The following DRD2 variants were observed in gnomAD, a reference collection of about 807,000 sequenced individuals.
DRD2 encodes dopamine receptor D2, also known as D(2) dopamine receptor.
Under a neutral mutation model 38.0 loss-of-function variants are expected in DRD2, and 8 were observed. That is an observed-to-expected ratio of 0.21 (90% CI 0.12 to 0.38). DRD2 has a LOEUF of 0.38. Ranked by LOEUF, DRD2 falls within the 10% of genes least tolerant of loss-of-function variation. The pLI, the probability that DRD2 is intolerant of heterozygous loss-of-function variation, is 1.00. For synonymous variants in DRD2, 230 were observed against 238.6 expected (o/e 0.96, Z 0.33); for missense variants, 403 against 607.7 (o/e 0.66, Z 3.54).
intron 1 of DRD2, among the ~76,000 whole-genome samples, chr11:113,428,247 G>C (rs943380087): frequency 6.4e-4 from 97 of 152,338 alleles, no homozygotes; most frequent in African/African-American, 2.3e-3. Flanking sequence ...GTGCAAAGAA[G>C]TGAGGAAGCA....
chr11:113,443,617 G>C (rs1951113288), intron 1 of DRD2, among the ~76,000 whole-genome samples: 1 of 152,194 alleles, frequency 6.6e-6, no homozygotes, highest in Non-Finnish European at 1.5e-5. Context: ...TGTCCTCCTA[G>C]CATACCAGGA....
intron 1 of DRD2, among the ~76,000 whole-genome samples, chr11:113,466,321 C>T (rs1426348331): frequency 6.6e-6 from 1 of 152,204 alleles, no homozygotes; most frequent in African/African-American, 2.4e-5. Context: ...AGTCTAAACA[C>T]AGAAATCACC....
intron 1 of DRD2, among the ~76,000 whole-genome samples, chr11:113,432,288 TTCTCTCTC>T (rs56097058): frequency 0.019 from 2,641 of 135,840 alleles, 40 homozygotes; most frequent in Middle Eastern, 0.03. Context: ...GATCCTCTCT[TTCTCTCTC>T]TCTCTCTCTC....
rs561314132 is a variant in DRD2 at position 113,414,277 on chromosome 11, TCTC to T, written c.810+95_810+97del. 304 of 1,145,080 alleles carry T rather than the reference TCTC, an allele frequency of 2.7e-4. No homozygotes were observed. The African/African-American group carries it at 4.3e-3, about 16-fold the overall frequency. 70.9% of individuals were successfully genotyped at this position (1,145,080 alleles called of 1,614,324 possible). On this transcript the variant is annotated intron_variant, in intron 6 of 7. Coordinates refer to ENST00000362072, the MANE Select transcript of DRD2 (RefSeq NM_000795.4). ...GCAAGGTGGGGGTTTCTGGGGTGCT[TCTC>T]CCATTGGCCAGCTTCTGAGGTCTCA...
chr11:113,421,640 T>G (rs775275937), intron 2 of DRD2, among the ~76,000 whole-genome samples: 1 of 152,138 alleles, frequency 6.6e-6, no homozygotes, highest in Non-Finnish European at 1.5e-5. Context: ...TAACGCACAC[T>G]TAGTCCTAAG....
intron 1 of DRD2, among the ~76,000 whole-genome samples, chr11:113,431,433 G>A (rs1176509643): frequency 6.6e-6 from 1 of 152,194 alleles, no homozygotes; most frequent in Non-Finnish European, 1.5e-5. Context: ...TGGAAGCCAG[G>A]AGAAAGAGAA....
chr11:113,411,016 G>T, intron 7 of DRD2, 96 bp from the exon 8 acceptor site: 3 of 1,363,052 alleles, frequency 2.2e-6, no homozygotes, highest in Admixed American at 2.0e-5. Context: ...ATGCCAAGAC[G>T]GTGGGCTGTA....
In DRD2 at chr11:113,419,060, C is replaced by G. The variant is rs17505337; in HGVS notation, c.286-924G>C. On this transcript the variant is annotated intron_variant, in intron 2 of 7. Coordinates refer to ENST00000362072, the MANE Select transcript of DRD2 (RefSeq NM_000795.4). ...GAATGCCCGTGAGGAAACTGAGAAC[C>G]AATGAGGAAACCAAGCCTCCAAAAA... Among the ~76,000 whole-genome samples, 1,145 of 152,308 alleles carry G rather than the reference C, an allele frequency of 7.5e-3. 17 individuals are homozygous for G. The highest frequency in any genetic ancestry group is 0.011 in the Non-Finnish European group (731 of 68,032).
At chr11:113,419,330 C>G (rs1224552753) in intron 2 of DRD2, among the ~76,000 whole-genome samples, 3 of 152,150 alleles carry the variant, frequency 2.0e-5, no homozygotes, top group Admixed American at 6.5e-5. Flanking sequence ...GAGGAACACC[C>G]GAGTGGGCTG....
chr11:113,429,196 C>G (rs7131443), intron 1 of DRD2, among the ~76,000 whole-genome samples: 5 of 152,142 alleles, frequency 3.3e-5, no homozygotes, highest in African/African-American at 1.2e-4. Flanking sequence ...ACCTGTAACC[C>G]CTATAAGTAC....
chr11:113,462,606 A>G (rs913060969), intron 1 of DRD2, among the ~76,000 whole-genome samples: 4 of 152,196 alleles, frequency 2.6e-5, no homozygotes, highest in African/African-American at 9.6e-5. Context: ...AAGCATGGCC[A>G]TGCAGGAACA....
chr11:113,416,129 C>T (rs1264418611), intron 4 of DRD2, among the ~76,000 whole-genome samples: 1 of 152,190 alleles, frequency 6.6e-6, no homozygotes, highest in Non-Finnish European at 1.5e-5. Flanking sequence ...ATCTCAGGGC[C>T]TTGTGCATTA....
chr11:113,420,875 G>C (rs764119372), intron 2 of DRD2, among the ~76,000 whole-genome samples: 1 of 152,102 alleles, frequency 6.6e-6, no homozygotes, highest in Non-Finnish European at 1.5e-5. Context: ...CGAACCCAAG[G>C]CTCTTTTCTT....
intron 1 of DRD2, among the ~76,000 whole-genome samples, chr11:113,451,598 C>T (rs1252818715): frequency 6.6e-6 from 1 of 152,182 alleles, no homozygotes; most frequent in East Asian, 1.9e-4. Flanking sequence ...TCAAGTGATT[C>T]TCCTGCCTCA....
intron 1 of DRD2, among the ~76,000 whole-genome samples, chr11:113,469,083 A>G (rs1458760008): frequency 6.6e-6 from 1 of 152,124 alleles, no homozygotes; most frequent in Non-Finnish European, 1.5e-5. Context: ...ACAGAAGGTA[A>G]TGTCATCACA....
intron 1 of DRD2, among the ~76,000 whole-genome samples, chr11:113,431,131 C>T (rs192271199): frequency 6.6e-6 from 1 of 152,256 alleles, no homozygotes; most frequent in East Asian, 1.9e-4. Flanking sequence ...ATCACAATCC[C>T]CAGTCAACAA....
intron 7 of DRD2, 55 bp downstream of exon 7, chr11:113,412,501 A>T: frequency 6.3e-7 from 1 of 1,594,978 alleles, no homozygotes; most frequent in Non-Finnish European, 8.5e-7. Flanking sequence ...AGGACATGGC[A>T]GGGAATGGGA....
chr11:113,409,690 G>A lies in DRD2; in HGVS notation c.*1037C>T, dbSNP rs551042478. 6.5e-6 allele frequency: 1 copy of A among 153,196 alleles called. No homozygotes were observed. Among genetic ancestry groups the A allele is most frequent in the African/African-American group, 2.4e-5 (1 of 41,606 alleles). The allele number at this position is 153,196 out of a possible 1,614,324, so 9.5% of individuals were successfully genotyped here. A position where few individuals can be genotyped will look rare whatever the true frequency, so the allele number is the denominator to read the frequency against. On this transcript the variant is annotated 3_prime_UTR_variant, in exon 8 of 8. Transcript: ENST00000362072. ...GTCTAGGCCCCAGGGGCTCTCCCAA[G>A]CTGCAGCTTCCCCTCCTTCCTCAGG...
At chr11:113,415,701 A>G in intron 4 of DRD2, 90 bp from the exon 5 acceptor site, 1 of 1,441,556 alleles carries the variant, frequency 6.9e-7, no homozygotes, top group Non-Finnish European at 9.5e-7. Flanking sequence ...TCCAGGAACA[A>G]GGAGCGATTT....
Sources: allele counts gnomAD v4.1 joint callset (sites outside exome capture counted in the v4.1 genomes callset), GRCh38; gene constraint gnomAD v4.1.1; transcripts MANE v1.5; gene names NCBI Gene and HGNC (gene_info 2026-07-23, HGNC 2026-07-21).